HCRTR2: variants seen among roughly 807,000 people sequenced by gnomAD.
HCRTR2 encodes orexin receptor type 2.
Under a neutral mutation model 49.0 loss-of-function variants are expected in HCRTR2, and 22 were observed. The observed-to-expected ratio is 0.45, with a 90% CI of 0.32 to 0.64. HCRTR2 has a LOEUF of 0.64. HCRTR2 is among the 30% of genes least tolerant of loss of function. The pLI is 0.04. For synonymous variants in HCRTR2, 236 were observed against 205.3 expected (o/e 1.15, Z -1.28); for missense variants, 491 against 559.4 (o/e 0.88, Z 1.23).
intron 1 of HCRTR2, among the ~76,000 whole-genome samples, chr6:55,142,354 G>T: frequency 7.8e-6 from 1 of 128,696 alleles, no homozygotes; most frequent in East Asian, 2.3e-4. Context: ...CCGCCACCAC[G>T]CCCTGTTAAT....
rs146075035 is a variant in HCRTR2, at chr6:55,164,311, A to G, written c.-377-9900A>G. Among the ~76,000 whole-genome samples the G allele has an allele frequency of 2.2e-3, 336 of 152,360 alleles. 1 individual carries two copies. Among genetic ancestry groups the G allele is most frequent in the Non-Finnish European group, 4.0e-3 (273 of 68,030 alleles). On this transcript the variant is annotated intron_variant, in intron 1 of 7. Coordinates refer to the HCRTR2 transcript ENST00000615358. ...AGGATTATAAATCATTCTATGATAA[A>G]CACACATGCACATGTATGTTTATTG...
At chr6:55,195,797 T>G (rs1451749914) in intron 1 of HCRTR2, among the ~76,000 whole-genome samples, 1 of 151,996 alleles carries the variant, frequency 6.6e-6, no homozygotes, top group African/African-American at 2.4e-5. Context: ...TGAAACCCCG[T>G]CTCTACTAAA....
chr6:55,273,231 G>A (rs1421663565), intron 4 of HCRTR2, among the ~76,000 whole-genome samples: 1 of 151,988 alleles, frequency 6.6e-6, no homozygotes, highest in Non-Finnish European at 1.5e-5. Context: ...GGTCCCTGCT[G>A]AACAGGGAAA....
intron 1 of HCRTR2, among the ~76,000 whole-genome samples, chr6:55,199,753 C>T (rs992929077): frequency 2.0e-5 from 3 of 151,998 alleles, no homozygotes; most frequent in Non-Finnish European, 4.4e-5. Context: ...GCGAAAAAGG[C>T]TTCATCATAA....
intron 1 of HCRTR2, among the ~76,000 whole-genome samples, chr6:55,154,021 C>T (rs1321398634): frequency 6.6e-6 from 1 of 151,398 alleles, no homozygotes; most frequent in African/African-American, 2.4e-5. Context: ...AATTGGACAA[C>T]CTAGAAAAAA....
intron 5 of HCRTR2, among the ~76,000 whole-genome samples, chr6:55,279,591 A>G (rs1767149107): frequency 6.6e-6 from 1 of 151,392 alleles, no homozygotes; most frequent in Non-Finnish European, 1.5e-5. Context: ...TTTAGCAGGA[A>G]ATATATATGA....
intron 1 of HCRTR2, among the ~76,000 whole-genome samples, chr6:55,224,958 TA>T (rs1449340871): frequency 2.0e-5 from 3 of 152,178 alleles, no homozygotes; most frequent in Non-Finnish European, 4.4e-5. Context: ...ATATAGTTAG[TA>T]ACAATATTTT....
upstream of HCRTR2, among the ~76,000 whole-genome samples, chr6:55,170,829 G>T (rs936721123): frequency 6.8e-6 from 1 of 146,286 alleles, no homozygotes; most frequent in African/African-American, 2.5e-5. Flanking sequence ...GAGAACATAC[G>T]GTGTTTGGTT....
At chr6:55,256,076 G>A (rs188180815) in intron 3 of HCRTR2, among the ~76,000 whole-genome samples, 2 of 152,108 alleles carry the variant, frequency 1.3e-5, no homozygotes, top group South Asian at 4.1e-4. Context: ...TGAGGTTTTT[G>A]TGTAACAGTG....
chr6:55,106,594 C>T (rs1041264938), intron 1 of HCRTR2: 2 of 152,002 alleles, frequency 1.3e-5, no homozygotes, highest in African/African-American at 4.8e-5. Context: ...TTATTCAAGT[C>T]AATTCAATAA....
intron 1 of HCRTR2, among the ~76,000 whole-genome samples, chr6:55,243,355 A>G (rs1388203208): frequency 6.6e-6 from 1 of 152,120 alleles, no homozygotes; most frequent in Non-Finnish European, 1.5e-5. Context: ...ATGGTTATTC[A>G]CAGAACTGAT....
intron 1 of HCRTR2, among the ~76,000 whole-genome samples, chr6:55,227,759 G>A (rs951090899): frequency 1.3e-5 from 2 of 152,000 alleles, no homozygotes; most frequent in Non-Finnish European, 2.9e-5. Flanking sequence ...ACACTAAAAA[G>A]GAAGAGTCAA....
chr6:55,226,752 C>T (rs1384203768), intron 1 of HCRTR2, among the ~76,000 whole-genome samples: 1 of 115,602 alleles, frequency 8.7e-6, no homozygotes, highest in Non-Finnish European at 1.6e-5. Flanking sequence ...GAGTCTCGCT[C>T]TGTCGCCCAG....
intron 4 of HCRTR2, among the ~76,000 whole-genome samples, chr6:55,274,239 G>GTATA (rs61667408): frequency 0.015 from 1,825 of 119,524 alleles, 71 homozygotes; most frequent in African/African-American, 0.052. Context: ...ATCATTTTCA[G>GTATA]TATATATATA....
chr6:55,194,353 T>C (rs1765373929), intron 1 of HCRTR2, among the ~76,000 whole-genome samples: 1 of 152,174 alleles, frequency 6.6e-6, no homozygotes, highest in Non-Finnish European at 1.5e-5. Flanking sequence ...TGCTTTCCCT[T>C]TAAACAACAA....
chr6:55,160,755 T>G (rs1028606384), intron 1 of HCRTR2, among the ~76,000 whole-genome samples: 1 of 152,104 alleles, frequency 6.6e-6, no homozygotes, highest in African/African-American at 2.4e-5. Context: ...TACATAATGA[T>G]AAAGGGATCA....
chr6:55,116,819 C>A (rs1764123994), intron 1 of HCRTR2, among the ~76,000 whole-genome samples: 1 of 151,340 alleles, frequency 6.6e-6, no homozygotes, highest in African/African-American at 2.4e-5. Flanking sequence ...CTCCAAGTGA[C>A]TAAGTTGGTT....
Position 55,156,963 on chromosome 6 carries a change from T to C in HCRTR2, c.-377-17248T>C, listed in dbSNP as rs145894508. On this transcript the variant is annotated intron_variant, in intron 1 of 7. Transcript: ENST00000615358. ...GGTGGAAGACTGAAATCTCTGAATATTTTCCCCTAAGATCAGAAAAAGACA... is the reference window on the plus strand; with the variant it reads ...GGTGGAAGACTGAAATCTCTGAATACTTTCCCCTAAGATCAGAAAAAGACA... Among the ~76,000 whole-genome samples the C allele has an allele frequency of 4.4e-3, 666 of 152,198 alleles. 6 individuals carry two copies. Among genetic ancestry groups the C allele is most frequent in the African/African-American group, 0.015 (617 of 41,526 alleles).
chr6:55,142,908 A>T (rs1004373094), intron 1 of HCRTR2, among the ~76,000 whole-genome samples: 6 of 152,142 alleles, frequency 3.9e-5, no homozygotes, highest in African/African-American at 1.4e-4. Context: ...ACATATTTCT[A>T]TTCCCATAAC....
Sources: gnomAD v4.1 joint callset for allele counts (sites outside exome capture counted in the v4.1 genomes callset) on GRCh38, gnomAD v4.1.1 for gene constraint, MANE v1.5 for transcripts, NCBI Gene and HGNC (gene_info 2026-07-23, HGNC 2026-07-21) for gene names.